GBF1: variants seen among roughly 807,000 people sequenced by gnomAD.
GBF1 encodes Golgi-specific brefeldin A-resistance guanine nucleotide exchange factor 1.
A neutral mutation model predicts 210.5 loss-of-function variants in GBF1; 114 were observed. The ratio of observed to expected loss-of-function variants is 0.54; its 90% CI spans 0.47 to 0.63. The LOEUF is 0.63. GBF1 is among the 30% of genes least tolerant of loss of function. The pLI, the probability that GBF1 is intolerant of heterozygous loss-of-function variation, is 0.00. For missense variants in GBF1, 1,851 were observed against 2,357.7 expected (o/e 0.79, Z 4.45); for synonymous variants, 850 against 889.2 (o/e 0.96, Z 0.78).
chr10:102,271,117 A>G (rs1294033616), intron 3 of GBF1, among the ~76,000 whole-genome samples: 3 of 151,992 alleles, frequency 2.0e-5, no homozygotes, highest in Non-Finnish European at 2.9e-5. Context: ...AGCTCACTGC[A>G]AGCTCCGCCT....
intron 9 of GBF1, 65 bp from the exon 10 acceptor site, chr10:102,358,441 T>C (rs2059411581): frequency 8.8e-7 from 1 of 1,130,358 alleles, no homozygotes; most frequent in Non-Finnish European, 1.3e-6. Context: ...CCTAGTACCA[T>C]AGAGGGTTTG....
At chr10:102,291,171 C>CTTTGTTTGTTTG (rs79994004) in intron 3 of GBF1, among the ~76,000 whole-genome samples, 2 of 151,604 alleles carry the variant, frequency 1.3e-5, no homozygotes, top group African/African-American at 4.9e-5. Context: ...CTATTCACTG[C>CTTTGTTTGTTTG]TTTGTTTGTT....
At chr10:102,342,097 C>T (rs1240961988) in intron 3 of GBF1, among the ~76,000 whole-genome samples, 2 of 148,180 alleles carry the variant, frequency 1.3e-5, no homozygotes, top group South Asian at 2.1e-4. Flanking sequence ...AGTGCAGTGG[C>T]GTGACCTCAG....
intron 3 of GBF1, among the ~76,000 whole-genome samples, chr10:102,296,748 A>C (rs2076940860): frequency 6.6e-6 from 1 of 150,864 alleles, no homozygotes. Context: ...CTCAAAAAAA[A>C]AAAAAAGAAT....
At chr10:102,295,465 C>A (rs1331342897) in intron 3 of GBF1, among the ~76,000 whole-genome samples, 3 of 151,972 alleles carry the variant, frequency 2.0e-5, no homozygotes, top group Non-Finnish European at 4.4e-5. Context: ...TGAGCACTAA[C>A]TAAAATTTTT....
chr10:102,352,109 A>G (rs939405551), intron 6 of GBF1, among the ~76,000 whole-genome samples, 158 bp downstream of exon 6: 3 of 152,194 alleles, frequency 2.0e-5, no homozygotes, highest in Non-Finnish European at 4.4e-5. Context: ...GTACTTGGCT[A>G]TTGTGAAGCT....
intron 29 of GBF1, among the ~76,000 whole-genome samples, chr10:102,374,244 G>A (rs566241371): frequency 6.6e-6 from 1 of 152,164 alleles, no homozygotes; most frequent in African/African-American, 2.4e-5. Flanking sequence ...CATCTACTTG[G>A]GAGGCTGAGG....
At chr10:102,230,987 C>T in the GBF1 span, 1 of 1,604,082 alleles carries the variant, frequency 6.2e-7, no homozygotes, top group Non-Finnish European at 8.5e-7. Context: ...GGGTACACCT[C>T]CTCGTAGGGC....
intron 3 of GBF1, among the ~76,000 whole-genome samples, chr10:102,280,962 TTTTC>T (rs1470051375): frequency 6.6e-6 from 1 of 152,154 alleles, no homozygotes; most frequent in Non-Finnish European, 1.5e-5. Context: ...GCTTTCTTCT[TTTTC>T]TTTTTTTTCC....
At chr10:102,306,413 G>C (rs1338825326) in intron 3 of GBF1, among the ~76,000 whole-genome samples, 1 of 151,930 alleles carries the variant, frequency 6.6e-6, no homozygotes, top group Non-Finnish European at 1.5e-5. Context: ...GGGAGGGACT[G>C]TCTCTTTATT....
Position 102,382,355 on chromosome 10 carries a change from C to A in GBF1, c.*19C>A. 6.3e-7 allele frequency: 1 copy of A among 1,585,508 alleles called. No homozygotes were observed. The highest frequency in any genetic ancestry group is 8.6e-7 in the Non-Finnish European group (1 of 1,163,636). ...CAACTAAGGCAGGTCACTCAGAGAT[C>A]AGGACCAGTGCTTCCCACCAGGCTT... On this transcript the variant is annotated 3_prime_UTR_variant, in exon 40 of 40. Coordinates refer to ENST00000369983, the MANE Select transcript of GBF1 (RefSeq NM_001377137.1).
At chr10:102,291,787 C>G (rs1333190993) in intron 3 of GBF1, among the ~76,000 whole-genome samples, 1 of 152,126 alleles carries the variant, frequency 6.6e-6, no homozygotes, top group Non-Finnish European at 1.5e-5. Flanking sequence ...CTGTCATTCT[C>G]CTTACCATTG....
At chr10:102,236,047 A>C in the GBF1 span, among the ~76,000 whole-genome samples, 3 of 152,192 alleles carry the variant, frequency 2.0e-5, no homozygotes, top group East Asian at 3.8e-4. Context: ...GAGAGAAGGA[A>C]AGAACAGTAA....
At chr10:102,306,482 G>A (rs11592582) in intron 3 of GBF1, among the ~76,000 whole-genome samples, 19,237 of 152,216 alleles carry the variant, frequency 0.13, 1,487 homozygotes, top group Non-Finnish European at 0.17. Context: ...GGAGTGCAAT[G>A]GCGCAATCTT....
chr10:102,282,050 C>T (rs1226849530), intron 3 of GBF1, among the ~76,000 whole-genome samples: 1 of 151,376 alleles, frequency 6.6e-6, no homozygotes, highest in African/African-American at 2.4e-5. Context: ...CCTCAGCCTC[C>T]TGAGTAGCTG....
At chr10:102,276,394 C>T (rs555192175) in intron 3 of GBF1, among the ~76,000 whole-genome samples, 9 of 149,124 alleles carry the variant, frequency 6.0e-5, no homozygotes, top group Admixed American at 4.7e-4. Flanking sequence ...GGCATGGTGG[C>T]GGGCGCCTAT....
At chr10:102,326,593 A>G (rs2056922131) in intron 3 of GBF1, among the ~76,000 whole-genome samples, 1 of 152,166 alleles carries the variant, frequency 6.6e-6, no homozygotes, top group South Asian at 2.1e-4. Context: ...GTAAGTTTTG[A>G]TAATTGTATA....
chr10:102,301,825 C>T (rs1390746846), intron 3 of GBF1, among the ~76,000 whole-genome samples: 25 of 151,300 alleles, frequency 1.7e-4, no homozygotes, highest in African/African-American at 4.6e-4. Flanking sequence ...AGACGATGGG[C>T]GGCCAGGCAG....
chr10:102,381,107 C>A lies in GBF1; in HGVS notation c.5174-20C>A. Reference sequence around the variant, plus strand: ...GAGAAAGCACTAAGAGGTGCCATCTCAATTCTCTACCGTCTCCAGACCCCA... The same window carrying A: ...GAGAAAGCACTAAGAGGTGCCATCTAAATTCTCTACCGTCTCCAGACCCCA... On this transcript the variant is annotated intron_variant, in intron 38 of 39. Transcript: ENST00000369983. 6.2e-7 allele frequency: 1 copy of A among 1,611,896 alleles called. No homozygotes were observed. The highest frequency in any genetic ancestry group is 1.1e-5 in the South Asian group (1 of 90,930).
Sources: gnomAD v4.1 joint callset for allele counts (sites outside exome capture counted in the v4.1 genomes callset) on GRCh38, gnomAD v4.1.1 for gene constraint, MANE v1.5 for transcripts, NCBI Gene and HGNC (gene_info 2026-07-23, HGNC 2026-07-21) for gene names.